Variants in COL5A2 observed in about 807,000 individuals in gnomAD.
The protein encoded by COL5A2 is collagen type V alpha 2 chain.
COL5A2 carries 23 observed loss-of-function variants against 208.2 expected under a neutral mutation model. The ratio of observed to expected loss-of-function variants is 0.11; its 90% CI spans 0.08 to 0.16. The LOEUF (loss-of-function observed/expected upper bound fraction) is 0.16, where lower values mean the gene tolerates loss of function less well. Among genes scored for constraint, COL5A2 ranks in the 10% least tolerant of loss-of-function variants. The probability of loss-of-function intolerance (pLI) is 1.00; values close to 1 mark genes in which losing one functional copy is unlikely to be tolerated. For synonymous variants in COL5A2, 625 were observed against 628.5 expected, an observed-to-expected ratio of 0.99 and a Z score of 0.08; for missense variants, 1,590 against 1,956.4, an observed-to-expected ratio of 0.81 and a Z score of 3.53.
intron 1 of COL5A2, among the ~76,000 whole-genome samples, chr2:189,201,709 A>C (rs1260427452): frequency 6.6e-6 from 1 of 152,080 alleles, no homozygotes; most frequent in Admixed American, 6.5e-5. Flanking sequence ...CATTACAAAA[A>C]CAGCATGAGG....
chr2:189,061,185 T>C (rs1384899516), intron 30 of COL5A2, among the ~76,000 whole-genome samples: 1 of 152,114 alleles, frequency 6.6e-6, no homozygotes, highest in Non-Finnish European at 1.5e-5. Context: ...CTGATATATG[T>C]AGATAAATTA....
chr2:189,439,338 T>C, the COL5A2 span, among the ~76,000 whole-genome samples: 1 of 152,220 alleles, frequency 6.6e-6, no homozygotes, highest in South Asian at 2.1e-4. Context: ...TTAGTAAATA[T>C]TTCCTGGATG....
intron 29 of COL5A2, among the ~76,000 whole-genome samples, chr2:189,062,057 G>A (rs1486713029): frequency 6.6e-6 from 1 of 151,712 alleles, no homozygotes; most frequent in East Asian, 1.9e-4. Context: ...GATTTAAACT[G>A]CCCCACCCCC....
At chr2:189,294,697 A>G in the COL5A2 span, among the ~76,000 whole-genome samples, 1 of 152,236 alleles carries the variant, frequency 6.6e-6, no homozygotes, top group Non-Finnish European at 1.5e-5. Flanking sequence ...AGCTAAAGCT[A>G]TATTGCAATT....
At chr2:189,183,883 G>T (rs1688814057), upstream of COL5A2, among the ~76,000 whole-genome samples, 1 of 152,146 alleles carries the variant, frequency 6.6e-6, no homozygotes, top group Non-Finnish European at 1.5e-5. Flanking sequence ...ACATAAAGCA[G>T]TTTCACACCT....
chr2:189,296,383 G>C, the COL5A2 span, among the ~76,000 whole-genome samples: 1 of 151,870 alleles, frequency 6.6e-6, no homozygotes, highest in Non-Finnish European at 1.5e-5. Flanking sequence ...TATCCTGCTG[G>C]TCATTTTAAA....
intron 1 of COL5A2, among the ~76,000 whole-genome samples, chr2:189,177,078 A>G (rs1359522916): frequency 6.6e-6 from 1 of 152,242 alleles, no homozygotes; most frequent in Non-Finnish European, 1.5e-5. Flanking sequence ...GTAAAGGGAA[A>G]TATACCCTGA....
chr2:189,104,748 T>G (rs1297368993), intron 2 of COL5A2, among the ~76,000 whole-genome samples: 1 of 151,748 alleles, frequency 6.6e-6, no homozygotes, highest in Non-Finnish European at 1.5e-5. Flanking sequence ...AGGCCACTAT[T>G]ATTGGTTTCT....
chr2:189,269,546 A>G, the COL5A2 span, among the ~76,000 whole-genome samples: 2 of 152,016 alleles, frequency 1.3e-5, no homozygotes. Context: ...ATGTTTATTG[A>G]TTAGTGTATG....
chr2:189,335,876 G>A, the COL5A2 span, among the ~76,000 whole-genome samples: 1 of 152,036 alleles, frequency 6.6e-6, no homozygotes, highest in Non-Finnish European at 1.5e-5. Context: ...AAAAAACACT[G>A]AATTGCTCAC....
the COL5A2 span, among the ~76,000 whole-genome samples, chr2:189,376,124 A>C: frequency 2.6e-5 from 4 of 152,240 alleles, no homozygotes; most frequent in African/African-American, 9.6e-5. Flanking sequence ...ATACTTGTGC[A>C]TTAAATTTTA....
chr2:189,232,692 T>C, the COL5A2 span, among the ~76,000 whole-genome samples: 1 of 151,720 alleles, frequency 6.6e-6, no homozygotes, highest in African/African-American at 2.4e-5. Context: ...GGGAAGTGAC[T>C]GGGTGATGAG....
At chr2:189,196,974 T>C (rs1015416598) in intron 1 of COL5A2, among the ~76,000 whole-genome samples, 2 of 152,098 alleles carry the variant, frequency 1.3e-5, no homozygotes, top group Non-Finnish European at 2.9e-5. Flanking sequence ...TATAAATCAT[T>C]CTACTATAAA....
chr2:189,103,409 T>G (rs565410412), intron 3 of COL5A2, among the ~76,000 whole-genome samples: 1 of 152,052 alleles, frequency 6.6e-6, no homozygotes, highest in Non-Finnish European at 1.5e-5. Flanking sequence ...TTATCTGTTA[T>G]CTGATAAATC....
At chr2:189,126,113 A>T (rs1406812398) in intron 1 of COL5A2, among the ~76,000 whole-genome samples, 1 of 152,106 alleles carries the variant, frequency 6.6e-6, no homozygotes, top group Non-Finnish European at 1.5e-5. Context: ...TGATTTTTAC[A>T]CAGGAACTAT....
At chr2:189,204,664 A>T (rs1576585351) in intron 1 of COL5A2, among the ~76,000 whole-genome samples, 1 of 152,320 alleles carries the variant, frequency 6.6e-6, no homozygotes, top group South Asian at 2.1e-4. Flanking sequence ...ATACTATAAA[A>T]ATATGGGGAC....
chr2:189,418,985 C>G, the COL5A2 span, among the ~76,000 whole-genome samples: 1 of 152,232 alleles, frequency 6.6e-6, no homozygotes, highest in African/African-American at 2.4e-5. Context: ...TTACAGGAAC[C>G]TGAAGGCCAA....
chr2:189,372,669 G>C, the COL5A2 span, among the ~76,000 whole-genome samples: 1 of 152,114 alleles, frequency 6.6e-6, no homozygotes, highest in East Asian at 1.9e-4. Context: ...TTAATTTTAA[G>C]CCCTTATGTA....
At chr2:189,055,810 T>A (rs966542894) in intron 35 of COL5A2, among the ~76,000 whole-genome samples, 1 of 152,198 alleles carries the variant, frequency 6.6e-6, no homozygotes, top group African/African-American at 2.4e-5. Flanking sequence ...TCAAAGTTAG[T>A]TCATAGGCAC....
Sources: gnomAD v4.1 joint callset for allele counts (sites outside exome capture counted in the v4.1 genomes callset) on GRCh38, gnomAD v4.1.1 for gene constraint, MANE v1.5 for transcripts, NCBI Gene and HGNC (gene_info 2026-07-23, HGNC 2026-07-21) for gene names.